Variants in GARRE1 observed in about 807,000 individuals in gnomAD.
The protein encoded by GARRE1 is granule associated Rac and RHOG effector protein 1.
Under a neutral mutation model 103.2 loss-of-function variants are expected in GARRE1, and 49 were observed. The observed-to-expected ratio is 0.47, with a 90% CI of 0.38 to 0.60. The LOEUF is 0.60. Among genes scored for constraint, GARRE1 ranks in the 20% least tolerant of loss-of-function variants. The pLI, the probability that GARRE1 is intolerant of heterozygous loss-of-function variation, is 0.00. For missense variants in GARRE1, 1,199 were observed against 1,370.5 expected (o/e 0.87, Z 1.98); for synonymous variants, 505 against 532.8 (o/e 0.95, Z 0.72).
Position 34,341,963 on chromosome 19 carries a change from G to A in GARRE1, c.2029G>A (p.Ala677Thr). ...GACAAGGCATAATTCTGCTGCCACA[G>A]CCATGGTGACTGAGCAGAAGGCAGG... Reference protein sequence around the residue: ...LVTRHNSAATAMVTEQKAGAM... With the variant: ...LVTRHNSAATTMVTEQKAGAM... The change falls in exon 10 of 14, where the codon GCC becomes ACC. Residue 677 changes from alanine to threonine, a missense_variant. Coordinates refer to ENST00000299505, the MANE Select transcript of GARRE1 (RefSeq NM_014686.5). 1 of 1,614,162 alleles carries A rather than the reference G, an allele frequency of 6.2e-7. No individual in the cohort carries two copies. Among genetic ancestry groups the A allele is most frequent in the Non-Finnish European group, 8.5e-7 (1 of 1,180,032 alleles).
At chr19:34,351,414 C>G (rs2074236268) in intron 12 of GARRE1, 100 bp from the exon 13 acceptor site, 1 of 928,380 alleles carries the variant, frequency 1.1e-6, no homozygotes, top group Non-Finnish European at 1.8e-6. Context: ...CTCCTAGAAC[C>G]AGGGCCTGGA....
chr19:34,337,808 T>C (rs1221728069), intron 8 of GARRE1, among the ~76,000 whole-genome samples: 6 of 152,230 alleles, frequency 3.9e-5, no homozygotes, highest in Admixed American at 3.9e-4. Context: ...GGAGCTGTAG[T>C]ACTCTTTTCT....
At chr19:34,262,393 C>T (rs979042267) in intron 1 of GARRE1, among the ~76,000 whole-genome samples, 7 of 146,688 alleles carry the variant, frequency 4.8e-5, no homozygotes, top group Non-Finnish European at 5.9e-5. Context: ...CCTCCTGGGT[C>T]GAAGCAATTC....
intron 2 of GARRE1, among the ~76,000 whole-genome samples, chr19:34,311,669 G>C (rs2074037491): frequency 6.6e-6 from 1 of 152,152 alleles, no homozygotes; most frequent in Non-Finnish European, 1.5e-5. Flanking sequence ...GGAGTACAGT[G>C]GTGCGATCTC....
intron 3 of GARRE1, among the ~76,000 whole-genome samples, chr19:34,323,229 CA>C (rs2074097905): frequency 6.6e-6 from 1 of 151,690 alleles, no homozygotes; most frequent in African/African-American, 2.4e-5. Context: ...GACAGGGTTT[CA>C]CTGTGTTAGC....
chr19:34,284,127 CTTT>C (rs10608784), intron 1 of GARRE1, among the ~76,000 whole-genome samples: 31,933 of 73,142 alleles, frequency 0.44, 4,999 homozygotes, highest in Middle Eastern at 0.51. Context: ...GCCCGGCTTT[CTTT>C]TTTTTTTTTT....
chr19:34,323,124 G>A (rs557209675), intron 3 of GARRE1, among the ~76,000 whole-genome samples: 117 of 144,608 alleles, frequency 8.1e-4, no homozygotes, highest in Middle Eastern at 3.6e-3. Context: ...TCCGCCCCCC[G>A]GGGTTCACGC....
chr19:34,351,338 C>T (rs987005695), intron 12 of GARRE1, among the ~76,000 whole-genome samples, 176 bp from the exon 13 acceptor site: 1 of 152,154 alleles, frequency 6.6e-6, no homozygotes, highest in Admixed American at 6.5e-5. Context: ...AGTGCAGGAG[C>T]GCCGTCATTC....
chr19:34,351,134 G>A (rs1043399505), intron 12 of GARRE1, among the ~76,000 whole-genome samples: 30 of 150,458 alleles, frequency 2.0e-4, no homozygotes, highest in Admixed American at 8.0e-4. Flanking sequence ...GGGATGCAGA[G>A]TTTGCAATGA....
intron 1 of GARRE1, among the ~76,000 whole-genome samples, chr19:34,299,230 C>T (rs1311841638): frequency 6.6e-6 from 1 of 152,124 alleles, no homozygotes; most frequent in Non-Finnish European, 1.5e-5. Flanking sequence ...ATATTTTTTT[C>T]GTAACAACCT....
intron 10 of GARRE1, among the ~76,000 whole-genome samples, chr19:34,344,384 A>T (rs2074200649): frequency 6.6e-6 from 1 of 151,960 alleles, no homozygotes; most frequent in African/African-American, 2.4e-5. Flanking sequence ...AGGTCAGGAG[A>T]TCGAGACCAT....
At chr19:34,349,436 C>A (rs1311017328) in intron 12 of GARRE1, among the ~76,000 whole-genome samples, 1 of 152,156 alleles carries the variant, frequency 6.6e-6, no homozygotes, top group Non-Finnish European at 1.5e-5. Context: ...GAAGAGCAGG[C>A]CTTTGGTTGC....
intron 1 of GARRE1, among the ~76,000 whole-genome samples, chr19:34,291,558 G>A (rs1256187422): frequency 6.6e-6 from 1 of 152,144 alleles, no homozygotes; most frequent in East Asian, 1.9e-4. Context: ...AAAGGTGGAA[G>A]GACAGGAGAG....
chr19:34,327,548 AC>A lies in GARRE1; in HGVS notation c.834del (p.Asp278GlufsTer9), dbSNP rs747345696. The stretch of plus-strand genomic sequence containing the variant: ...CTAAAAGAACTGAACATAAAAATCG[AC>A]AGTGCTTTGCAAGTAAGTTTTTCAG... Reference protein sequence around the residue: ...HQLKELNIKIDSALQAYKIAL... With the variant: ...HQLKELNIKIXSALQAYKIAL... On this transcript the variant is annotated frameshift_variant, in exon 4 of 14. Coordinates refer to ENST00000299505, the MANE Select transcript of GARRE1 (RefSeq NM_014686.5). LOFTEE classifies it high-confidence loss of function. 6.2e-7 allele frequency: 1 copy of A among 1,613,936 alleles called. No individual in the cohort carries two copies. Among genetic ancestry groups the A allele is most frequent in the Admixed American group, 1.7e-5 (1 of 60,030 alleles).
chr19:34,314,905 G>T (rs901661934), intron 2 of GARRE1, among the ~76,000 whole-genome samples: 9 of 152,112 alleles, frequency 5.9e-5, no homozygotes, highest in Non-Finnish European at 1.0e-4. Flanking sequence ...TCACATTCTG[G>T]TGTGTAGCTC....
At chr19:34,312,597 C>T (rs2145252782) in intron 2 of GARRE1, among the ~76,000 whole-genome samples, 1 of 152,306 alleles carries the variant, frequency 6.6e-6, no homozygotes, top group South Asian at 2.1e-4. Flanking sequence ...CTTTAAGGCT[C>T]ATTCATGTTG....
At chr19:34,330,742 T>G (rs1038275940) in intron 7 of GARRE1, among the ~76,000 whole-genome samples, 1 of 145,398 alleles carries the variant, frequency 6.9e-6, no homozygotes, top group African/African-American at 2.6e-5. Flanking sequence ...TTTTTTTTTT[T>G]TTTTTTTGTG....
At chr19:34,344,391 C>T (rs1322614706) in intron 10 of GARRE1, among the ~76,000 whole-genome samples, 3 of 151,880 alleles carry the variant, frequency 2.0e-5, no homozygotes, top group African/African-American at 7.3e-5. Flanking sequence ...GAGATCGAGA[C>T]CATCCCGGCT....
chr19:34,288,538 T>C (rs1224254790), intron 1 of GARRE1, among the ~76,000 whole-genome samples: 1 of 152,208 alleles, frequency 6.6e-6, no homozygotes, highest in Non-Finnish European at 1.5e-5. Flanking sequence ...TGTGGCCGAC[T>C]GTAGGGCTTG....
Sources: gnomAD v4.1 joint callset for allele counts (sites outside exome capture counted in the v4.1 genomes callset) on GRCh38, gnomAD v4.1.1 for gene constraint, MANE v1.5 for transcripts, NCBI Gene and HGNC (gene_info 2026-07-23, HGNC 2026-07-21) for gene names.